Variants in GALNT13 observed in about 807,000 individuals in gnomAD.
GALNT13 encodes the protein polypeptide N-acetylgalactosaminyltransferase 13.
A neutral mutation model predicts 64.2 loss-of-function variants in GALNT13; 28 were observed. The observed-to-expected ratio is 0.44, with a 90% confidence interval of 0.32 to 0.60. The LOEUF is 0.60. Among genes scored for constraint, GALNT13 ranks in the 20% least tolerant of loss-of-function variants. The pLI is 0.05. For synonymous variants in GALNT13, 214 were observed against 224.6 expected, an observed-to-expected ratio of 0.95 and a Z score of 0.42; for missense variants, 577 against 669.8, an observed-to-expected ratio of 0.86 and a Z score of 1.53.
the GALNT13 span, among the ~76,000 whole-genome samples, chr2:153,495,987 GGCT>G: frequency 6.6e-6 from 1 of 152,146 alleles, no homozygotes; most frequent in Non-Finnish European, 1.5e-5. Context: ...AGTTCCTACT[GGCT>G]GAACTGACAG....
At chr2:153,698,469 A>C in the GALNT13 span, among the ~76,000 whole-genome samples, 1 of 152,234 alleles carries the variant, frequency 6.6e-6, no homozygotes, top group Non-Finnish European at 1.5e-5. Flanking sequence ...CAGACTTTAA[A>C]CTAGCAAAGA....
the GALNT13 span, among the ~76,000 whole-genome samples, chr2:153,518,226 A>G: frequency 6.6e-6 from 1 of 152,044 alleles, no homozygotes; most frequent in Non-Finnish European, 1.5e-5. Flanking sequence ...ATGTTCTTCT[A>G]TTGTTTTTCT....
the GALNT13 span, among the ~76,000 whole-genome samples, chr2:153,242,001 C>T: frequency 3.4e-4 from 52 of 151,974 alleles, no homozygotes; most frequent in African/African-American, 1.3e-3. Flanking sequence ...AACCTTGTGA[C>T]CATGTGGGGA....
chr2:153,589,891 C>T, the GALNT13 span, among the ~76,000 whole-genome samples: 1 of 152,054 alleles, frequency 6.6e-6, no homozygotes, highest in African/African-American at 2.4e-5. Context: ...TACAGCCAAA[C>T]CATATCAAAG....
At chr2:153,512,082 G>A in the GALNT13 span, among the ~76,000 whole-genome samples, 1 of 152,128 alleles carries the variant, frequency 6.6e-6, no homozygotes, top group African/African-American at 2.4e-5. Flanking sequence ...TGGAGGAGTT[G>A]GGGATAACTG....
At chr2:154,439,486 G>A (rs1701173662) in intron 12 of GALNT13, among the ~76,000 whole-genome samples, 1 of 152,094 alleles carries the variant, frequency 6.6e-6, no homozygotes, top group Admixed American at 6.6e-5. Flanking sequence ...TTATTAAGTG[G>A]TAGGTGATTT....
At chr2:153,734,182 A>C in the GALNT13 span, among the ~76,000 whole-genome samples, 4 of 152,100 alleles carry the variant, frequency 2.6e-5, no homozygotes, top group Non-Finnish European at 5.9e-5. Context: ...TTCATGTTGC[A>C]CTTTGAGGTC....
chr2:153,251,204 T>C, the GALNT13 span, among the ~76,000 whole-genome samples: 251 of 152,334 alleles, frequency 1.6e-3, 7 homozygotes, highest in East Asian at 0.043. Context: ...GTAAATGTAT[T>C]ACTGGTATAT....
Position 154,232,381 on chromosome 2 carries a change from G to T in GALNT13, c.312-9649G>T, listed in dbSNP as rs545882728. ...TTGTTCCCATTTATTCCCAGTGAAG[G>T]TTACTTCACTGTTTTTAAGGCACCA... is the stretch of plus-strand genomic sequence containing the variant. On this transcript the variant is annotated intron_variant, in intron 4 of 12. Transcript: ENST00000392825. 3.9e-5 allele frequency among the ~76,000 whole-genome samples: 6 copies of T among 151,966 alleles called. No homozygotes were observed. The South Asian group carries it at 1.0e-3, about 26-fold the overall frequency.
At chr2:153,247,532 A>G in the GALNT13 span, among the ~76,000 whole-genome samples, 126,986 of 152,140 alleles carry the variant, frequency 0.83, 54,227 homozygotes, top group African/African-American at 0.93. Flanking sequence ...TTTCCACTGA[A>G]TGATAAATAA....
rs1467347278 is a variant in GALNT13, at chr2:154,453,578, T to C, written c.*3027T>C. 2.6e-5 allele frequency: 4 copies of C among 152,098 alleles called. No homozygotes were observed. The highest frequency in any genetic ancestry group is 5.9e-5 in the Non-Finnish European group (4 of 68,048). The allele number at this position is 152,098 out of a possible 1,614,324, so 9.4% of individuals were successfully genotyped here. A position where few individuals can be genotyped will look rare whatever the true frequency, so the allele number is the denominator to read the frequency against. Reference sequence around the variant, plus strand: ...CTTCCCTATCCCCTGTACCTGACAATCTATGAGTTTGCTTCTTTATTTCTG... The same window carrying C: ...CTTCCCTATCCCCTGTACCTGACAACCTATGAGTTTGCTTCTTTATTTCTG... On this transcript the variant is annotated 3_prime_UTR_variant, in exon 13 of 13. Coordinates refer to ENST00000392825, the MANE Select transcript of GALNT13 (RefSeq NM_052917.4).
the GALNT13 span, among the ~76,000 whole-genome samples, chr2:153,814,667 C>T: frequency 1.3e-4 from 20 of 152,070 alleles, no homozygotes; most frequent in African/African-American, 4.6e-4. Flanking sequence ...GAAAGTAATG[C>T]ATCACACAGA....
the GALNT13 span, among the ~76,000 whole-genome samples, chr2:153,629,501 G>A: frequency 6.6e-6 from 1 of 152,008 alleles, no homozygotes; most frequent in African/African-American, 2.4e-5. Context: ...ATTAATTCAA[G>A]GTGGATTAAA....
At chr2:153,582,461 C>A in the GALNT13 span, among the ~76,000 whole-genome samples, 1 of 151,924 alleles carries the variant, frequency 6.6e-6, no homozygotes, top group Non-Finnish European at 1.5e-5. Context: ...GAGTAAAATT[C>A]CGGTTATACA....
At chr2:153,482,795 T>G in the GALNT13 span, among the ~76,000 whole-genome samples, 2 of 151,692 alleles carry the variant, frequency 1.3e-5, no homozygotes, top group African/African-American at 4.9e-5. Flanking sequence ...AAATCCTCTA[T>G]GTACCTCATT....
At chr2:153,674,519 T>G in the GALNT13 span, among the ~76,000 whole-genome samples, 1 of 152,276 alleles carries the variant, frequency 6.6e-6, no homozygotes, top group South Asian at 2.1e-4. Flanking sequence ...TGAAATTGGA[T>G]GCCTTCCTTA....
At chr2:154,169,951 G>C (rs953797537) in intron 4 of GALNT13, among the ~76,000 whole-genome samples, 2 of 152,158 alleles carry the variant, frequency 1.3e-5, no homozygotes, top group African/African-American at 4.8e-5. Flanking sequence ...CAGAAGCACA[G>C]TGCTGCAAGG....
chr2:153,177,828 C>A, the GALNT13 span, among the ~76,000 whole-genome samples: 4 of 152,190 alleles, frequency 2.6e-5, no homozygotes, highest in South Asian at 8.3e-4. Flanking sequence ...ACCCATTATT[C>A]CTCTAATTGA....
At position 154,188,715 on chromosome 2, in the gene GALNT13, T is replaced by A. The variant is rs1173281050; in HGVS notation, c.311+48210T>A. On this transcript the variant is annotated intron_variant, in intron 4 of 12. Transcript: ENST00000392825. The stretch of plus-strand genomic sequence containing the variant: ...ATGGAGTAGGATGTGACCTTTTTTT[T>A]ATTTAACTTTAATGTTATTTTGGAA... 3.9e-5 allele frequency among the ~76,000 whole-genome samples: 6 copies of A among 152,328 alleles called. No homozygotes were observed. The South Asian group carries it at 1.0e-3, about 26-fold the overall frequency.
Sources: allele counts gnomAD v4.1 joint callset (sites outside exome capture counted in the v4.1 genomes callset), GRCh38; gene constraint gnomAD v4.1.1; transcripts MANE v1.5; gene names NCBI Gene and HGNC (gene_info 2026-07-23, HGNC 2026-07-21).